The following KCNMB2 variants were observed in gnomAD, a reference collection of about 807,000 sequenced individuals.
KCNMB2 encodes potassium calcium-activated channel subfamily M regulatory beta subunit 2, also known as calcium-activated potassium channel subunit beta-2.
KCNMB2 carries 9 observed loss-of-function variants against 24.5 expected under a neutral mutation model. The ratio of observed to expected loss-of-function variants is 0.37; its 90% CI spans 0.22 to 0.64. The LOEUF (loss-of-function observed/expected upper bound fraction) is 0.64. Ranked by LOEUF, KCNMB2 falls within the 30% of genes least tolerant of loss-of-function variation. The pLI is 0.63. For synonymous variants in KCNMB2, 109 were observed against 104.4 expected, an observed-to-expected ratio of 1.04 and a Z score of -0.27; for missense variants, 226 against 284.3, an observed-to-expected ratio of 0.79 and a Z score of 1.47.
At chr3:178,749,202 C>T (rs752353025) in intron 1 of KCNMB2, 1 of 152,140 alleles carries the variant, frequency 6.6e-6, no homozygotes, top group African/African-American at 2.4e-5. Context: ...ATATGTTTCA[C>T]ACAGTTGTTA....
intron 1 of KCNMB2, among the ~76,000 whole-genome samples, chr3:178,750,520 C>T (rs1723809282): frequency 6.6e-6 from 1 of 152,188 alleles, no homozygotes; most frequent in Admixed American, 6.5e-5. Context: ...GATCTGATTC[C>T]AGAGCCTGGT....
intron 1 of KCNMB2, among the ~76,000 whole-genome samples, chr3:178,647,785 G>T (rs1040287478): frequency 6.6e-6 from 1 of 152,070 alleles, no homozygotes; most frequent in Non-Finnish European, 1.5e-5. Context: ...ATAGAAAAGA[G>T]CAACGTGGAC....
intron 1 of KCNMB2, among the ~76,000 whole-genome samples, chr3:178,538,431 A>T (rs115291909): frequency 7.9e-4 from 121 of 152,362 alleles, no homozygotes; most frequent in African/African-American, 2.9e-3. Context: ...AAAAATACAC[A>T]CATACATTTT....
At chr3:178,547,447 T>A (rs575417593) in intron 1 of KCNMB2, among the ~76,000 whole-genome samples, 19 of 152,312 alleles carry the variant, frequency 1.2e-4, no homozygotes, top group African/African-American at 3.8e-4. Flanking sequence ...GGATAGATGG[T>A]GAGATTATGG....
chr3:178,677,291 C>G (rs918259926), intron 1 of KCNMB2, among the ~76,000 whole-genome samples: 2 of 152,126 alleles, frequency 1.3e-5, no homozygotes, highest in Non-Finnish European at 2.9e-5. Flanking sequence ...CTTTTCCTAA[C>G]GAAAACACCA....
intron 1 of KCNMB2, among the ~76,000 whole-genome samples, chr3:178,805,786 C>A (rs1036538996): frequency 6.6e-6 from 1 of 152,044 alleles, no homozygotes; most frequent in Admixed American, 6.6e-5. Flanking sequence ...CACACTACCA[C>A]ACGTGGCTAA....
At chr3:178,637,918 T>C (rs1719586791) in intron 1 of KCNMB2, among the ~76,000 whole-genome samples, 1 of 152,182 alleles carries the variant, frequency 6.6e-6, no homozygotes, top group African/African-American at 2.4e-5. Context: ...CTGAATCTTC[T>C]AATACTTCTG....
chr3:178,710,308 A>G (rs186195884), intron 1 of KCNMB2, among the ~76,000 whole-genome samples: 1 of 152,220 alleles, frequency 6.6e-6, no homozygotes, highest in African/African-American at 2.4e-5. Context: ...TCACTTCTGA[A>G]CTTCCCTTGA....
chr3:178,763,349 T>C (rs186697510), intron 1 of KCNMB2, among the ~76,000 whole-genome samples: 80 of 152,082 alleles, frequency 5.3e-4, no homozygotes, highest in Non-Finnish European at 9.0e-4. Context: ...TCACCAAAGA[T>C]TGGGGTTCAG....
chr3:178,792,559 T>A (rs1480311632), intron 1 of KCNMB2, among the ~76,000 whole-genome samples: 2 of 152,120 alleles, frequency 1.3e-5, no homozygotes, highest in South Asian at 2.1e-4. Context: ...CAGGAGTACA[T>A]CTTTACATAT....
chr3:178,583,863 A>G (rs1717309238), intron 1 of KCNMB2, among the ~76,000 whole-genome samples: 1 of 152,188 alleles, frequency 6.6e-6, no homozygotes, highest in Admixed American at 6.6e-5. Flanking sequence ...TGTTCACTGC[A>G]CTCCATAGTG....
intron 1 of KCNMB2, among the ~76,000 whole-genome samples, chr3:178,758,526 G>GTATATATA (rs1269453179): frequency 7.9e-5 from 1 of 12,590 alleles, no homozygotes; most frequent in Non-Finnish European, 1.4e-4. Flanking sequence ...AAGAGGAGAT[G>GTATATATA]TATATATATA....
intron 1 of KCNMB2, among the ~76,000 whole-genome samples, chr3:178,774,423 C>T (rs7653245): frequency 0.48 from 72,896 of 152,038 alleles, 17,926 homozygotes; most frequent in African/African-American, 0.6. Flanking sequence ...TTCCATCTCA[C>T]GGTTTTGGGG....
chr3:178,738,788 AC>A (rs1312326318), intron 1 of KCNMB2, among the ~76,000 whole-genome samples: 1 of 151,854 alleles, frequency 6.6e-6, no homozygotes, highest in Non-Finnish European at 1.5e-5. Flanking sequence ...TGAAACATAA[AC>A]CCCTGAGGGC....
intron 1 of KCNMB2, among the ~76,000 whole-genome samples, chr3:178,693,894 T>TAG (rs1721773398): frequency 6.7e-6 from 1 of 149,468 alleles, no homozygotes; most frequent in Non-Finnish European, 1.5e-5. Flanking sequence ...TTCTTTTTCT[T>TAG]TTTTTTTTTT....
At chr3:178,796,145 A>G (rs1326350593) in intron 1 of KCNMB2, among the ~76,000 whole-genome samples, 1 of 152,212 alleles carries the variant, frequency 6.6e-6, no homozygotes, top group African/African-American at 2.4e-5. Context: ...TTGGAAAAAG[A>G]AGAAAATGTA....
rs572603019 is a variant in KCNMB2, at chr3:178,580,459, A to G, written c.-68+43748A>G. ...AAGCATTCCCTTTGAAAACCAGCAC[A>G]AGACAAGGATGCCCTCTCTCCACTC... On this transcript the variant is annotated intron_variant, in intron 1 of 4. Coordinates refer to ENST00000452583, the MANE Select transcript of KCNMB2 (RefSeq NM_181361.3). Among the ~76,000 whole-genome samples the G allele has an allele frequency of 5.3e-5, 8 of 152,350 alleles. 1 individual carries two copies. The highest frequency in any genetic ancestry group is 1.9e-4 in the African/African-American group (8 of 41,592).
intron 1 of KCNMB2, among the ~76,000 whole-genome samples, chr3:178,611,629 C>T (rs1718487756): frequency 6.6e-6 from 1 of 152,130 alleles, no homozygotes; most frequent in African/African-American, 2.4e-5. Flanking sequence ...GGTGTGAACC[C>T]AGGAGGTGGA....
At position 178,807,485 on chromosome 3, in the gene KCNMB2, G is replaced by A; in HGVS notation, c.56+20G>A. 1 of 1,610,084 alleles carries A rather than the reference G, an allele frequency of 6.2e-7. No individual in the cohort carries two copies. The highest frequency in any genetic ancestry group is 8.5e-7 in the Non-Finnish European group (1 of 1,176,536). ...AAAAAGGTAAATGCACTGGGATTCT[G>A]GGCACTTTTCAGAAGCATTTAACCT... is the stretch of plus-strand genomic sequence containing the variant. On this transcript the variant is annotated intron_variant, in intron 2 of 4. Coordinates refer to ENST00000452583, the MANE Select transcript of KCNMB2 (RefSeq NM_181361.3).
Sources: gnomAD v4.1 joint callset for allele counts (sites outside exome capture counted in the v4.1 genomes callset) on GRCh38, gnomAD v4.1.1 for gene constraint, MANE v1.5 for transcripts, NCBI Gene and HGNC (gene_info 2026-07-23, HGNC 2026-07-21) for gene names.